The following RAD54B variants were observed in gnomAD, a reference collection of about 807,000 sequenced individuals.
RAD54B encodes the protein RAD54 homolog B, also known as DNA repair and recombination protein RAD54B.
A neutral mutation model predicts 95.8 loss-of-function variants in RAD54B; 78 were observed. The observed-to-expected ratio is 0.81, with a 90% confidence interval of 0.68 to 0.98. The LOEUF is 0.98. RAD54B is among the 50% of genes least tolerant of loss of function. The pLI is 0.00. For synonymous variants in RAD54B, 328 were observed against 354.9 expected, an observed-to-expected ratio of 0.92 and a Z score of 0.85; for missense variants, 957 against 1,056.6, an observed-to-expected ratio of 0.91 and a Z score of 1.31.
chr8:94,412,559 G>A (rs1811554766), intron 3 of RAD54B, among the ~76,000 whole-genome samples: 1 of 151,938 alleles, frequency 6.6e-6, no homozygotes, highest in Admixed American at 6.6e-5. Context: ...GATAAAAGGT[G>A]GTTTAGCTGA....
chr8:94,393,781 C>A lies in RAD54B; in HGVS notation c.1480G>T (p.Glu494Ter), dbSNP rs2129991309. The change falls in exon 9 of 15, where the codon GAA (glutamate) becomes TAA (stop). Residue 494 changes from glutamate to a stop codon, truncating the protein, a stop_gained. Transcript: ENST00000336148. LOFTEE classifies it high-confidence loss of function. ...SLSSYRKIYE[E>*]PIILSREPSA... The stretch of plus-strand genomic sequence containing the variant: ...GGTTCTCTCGATAAAATGATGGGTT[C>A]TTCATATATTTTCCTATAAGATGAC... 1 of 1,585,186 alleles carries A rather than the reference C, an allele frequency of 6.3e-7. No individual in the cohort carries two copies. Among genetic ancestry groups the A allele is most frequent in the East Asian group, 2.2e-5 (1 of 44,608 alleles).
At chr8:94,380,087 A>G (rs1810695993) in intron 12 of RAD54B, 58 bp downstream of exon 12, 2 of 1,498,712 alleles carry the variant, frequency 1.3e-6, no homozygotes, top group African/African-American at 1.4e-5. Context: ...TGTATCCTCA[A>G]TAGGCATTGT....
chr8:94,466,359 C>T (rs112239782), intron 2 of RAD54B, among the ~76,000 whole-genome samples: 56 of 151,870 alleles, frequency 3.7e-4, no homozygotes, highest in African/African-American at 1.3e-3. Flanking sequence ...CAAAACAATC[C>T]TTTTTCTTAA....
chr8:94,393,977 T>C, intron 8 of RAD54B, 95 bp from the exon 9 acceptor site: 2 of 1,177,378 alleles, frequency 1.7e-6, no homozygotes, highest in Non-Finnish European at 2.4e-6. Context: ...TTTGGAGAAA[T>C]TTATTCCCTA....
intron 6 of RAD54B, among the ~76,000 whole-genome samples, chr8:94,401,503 T>C (rs1309903132): frequency 1.3e-5 from 2 of 152,196 alleles, no homozygotes; most frequent in Non-Finnish European, 2.9e-5. Context: ...AATACATATA[T>C]GAAATTATGT....
In RAD54B at chr8:94,393,942, G is replaced by C. The variant is rs1811083261; in HGVS notation, c.1379-60C>G. 3 of 1,412,572 alleles carry C rather than the reference G, an allele frequency of 2.1e-6. 1 individual carries two copies. The South Asian group carries it at 4.3e-5, about 20-fold the overall frequency. The allele number at this position is 1,412,572 out of a possible 1,614,324, so 87.5% of individuals were successfully genotyped here. A position where few individuals can be genotyped will look rare whatever the true frequency, so the allele number is the denominator to read the frequency against. Reference sequence around the variant, plus strand: ...TTGTGTTTTACAATCACAATCTCAGGTTTATAGCAAAACCACAATGGAAGT... The same window carrying C: ...TTGTGTTTTACAATCACAATCTCAGCTTTATAGCAAAACCACAATGGAAGT... On this transcript the variant is annotated intron_variant, in intron 8 of 14. Coordinates refer to ENST00000336148, the MANE Select transcript of RAD54B (RefSeq NM_012415.3).
chr8:94,455,912 C>T (rs1229100497), intron 3 of RAD54B, among the ~76,000 whole-genome samples: 1 of 152,132 alleles, frequency 6.6e-6, no homozygotes, highest in African/African-American at 2.4e-5. Flanking sequence ...ATTACATCTG[C>T]AAAGACCCTA....
intron 3 of RAD54B, chr8:94,436,853 T>C (rs1389700641): frequency 1.3e-6 from 2 of 1,530,624 alleles, no homozygotes; most frequent in Non-Finnish European, 1.8e-6. Flanking sequence ...TTGGAAGATC[T>C]AGCCTTTCCT....
At chr8:94,374,394 A>C (rs1432943612) in intron 14 of RAD54B, among the ~76,000 whole-genome samples, 1 of 152,182 alleles carries the variant, frequency 6.6e-6, no homozygotes, top group African/African-American at 2.4e-5. Flanking sequence ...CGCCAGTATT[A>C]GGCCCTCGTT....
chr8:94,469,098 TTG>T (rs1813102770), intron 1 of RAD54B, among the ~76,000 whole-genome samples: 1 of 125,324 alleles, frequency 8.0e-6, no homozygotes, highest in African/African-American at 3.0e-5. Flanking sequence ...AGCCCATCTC[TTG>T]TTTTTTTTTT....
In RAD54B at chr8:94,391,807, T is replaced by C. The variant is rs1427510813; in HGVS notation, c.1611A>G (p.Lys537=). The part of the protein sequence containing the change: ...ILRRTQEIIN[K]YLPPKIENVV... ...CATTCTCTATTTTAGGTGGGAGATA[T>C]TTATTTATAATTTCTTGGGTTCTTC... Residue 537 remains lysine (K), a synonymous_variant, in exon 10 of 15, where the codon AAA becomes AAG. Transcript: ENST00000336148. 2 of 1,613,846 alleles carry C rather than the reference T, an allele frequency of 1.2e-6. No individual in the cohort carries two copies. The highest frequency in any genetic ancestry group is 2.2e-5 in the East Asian group (1 of 44,880).
chr8:94,425,124 A>G (rs1043630300), intron 3 of RAD54B, among the ~76,000 whole-genome samples: 3 of 151,888 alleles, frequency 2.0e-5, no homozygotes, highest in South Asian at 4.2e-4. Context: ...ATGTCATTTA[A>G]TATTAATAGT....
At chr8:94,450,546 T>C (rs1427806363) in intron 3 of RAD54B, among the ~76,000 whole-genome samples, 2 of 152,198 alleles carry the variant, frequency 1.3e-5, no homozygotes, top group African/African-American at 4.8e-5. Flanking sequence ...ATAGTTTCTG[T>C]GAGAAAAAGT....
intron 3 of RAD54B, chr8:94,429,884 A>G (rs1812043434): frequency 2.0e-6 from 2 of 985,250 alleles, no homozygotes; most frequent in South Asian, 4.7e-5. Flanking sequence ...CATAACTTAA[A>G]TTTCTGATTT....
chr8:94,397,446 C>T (rs1322237930), intron 8 of RAD54B, among the ~76,000 whole-genome samples: 1 of 151,980 alleles, frequency 6.6e-6, no homozygotes, highest in African/African-American at 2.4e-5. Flanking sequence ...AAAACAGAAA[C>T]AAGCTAAGAT....
intron 3 of RAD54B, among the ~76,000 whole-genome samples, chr8:94,422,631 T>A (rs1303228745): frequency 2.3e-4 from 23 of 101,992 alleles, no homozygotes; most frequent in African/African-American, 6.9e-4. Context: ...TATATATATA[T>A]ATATATATAT....
intron 2 of RAD54B, 34 bp from the exon 3 acceptor site, chr8:94,458,470 T>A: frequency 6.9e-7 from 1 of 1,454,992 alleles, no homozygotes; most frequent in African/African-American, 1.5e-5. Flanking sequence ...AAATCAGAAC[T>A]CAAACCTAAT....
At chr8:94,430,675 T>G (rs1240095085) in intron 3 of RAD54B, 2 of 794,386 alleles carry the variant, frequency 2.5e-6, no homozygotes, top group Non-Finnish European at 3.1e-6. Flanking sequence ...AATGGCTCAG[T>G]GAGGCCCACT....
rs114216685 is a variant in RAD54B at position 94,391,640 on chromosome 8, T to C, written c.1778A>G (p.Asn593Ser). The stretch of plus-strand genomic sequence containing the variant: ...AGAGTTGAACAAAAGGCAGGGGTGA[T>C]TGCACAGTTTTTTAAGAGCTCCTAT... Reference protein sequence around the residue: ...ICIGALKKLCNHPCLLFNSIK... With the variant: ...ICIGALKKLCSHPCLLFNSIK... The change falls in exon 10 of 15, where the codon AAT becomes AGT. Residue 593 changes from asparagine to serine, a missense_variant. Transcript: ENST00000336148. 592 of 1,613,662 alleles carry C rather than the reference T, an allele frequency of 3.7e-4. 1 individual carries two copies. The East Asian group carries it at 9.9e-3, about 27-fold the overall frequency.
Sources: allele counts gnomAD v4.1 joint callset (sites outside exome capture counted in the v4.1 genomes callset), GRCh38; gene constraint gnomAD v4.1.1; transcripts MANE v1.5; gene names NCBI Gene and HGNC (gene_info 2026-07-23, HGNC 2026-07-21).